Variants in RUFY1 observed in about 807,000 individuals in gnomAD.
RUFY1 encodes RUN and FYVE domain-containing protein 1.
In RUFY1, 54 loss-of-function variants were observed where a neutral mutation model predicts 94.6. The ratio of observed to expected loss-of-function variants is 0.57; its 90% confidence interval spans 0.46 to 0.72. RUFY1 has a LOEUF of 0.72. Ranked by LOEUF, RUFY1 falls within the 30% of genes least tolerant of loss-of-function variation. The pLI, the probability that RUFY1 is intolerant of heterozygous loss-of-function variation, is 0.00. For synonymous variants in RUFY1, 396 were observed against 347.3 expected, an observed-to-expected ratio of 1.14 and a Z score of -1.56; for missense variants, 883 against 883.9, an observed-to-expected ratio of 1.00 and a Z score of 0.01.
chr5:179,604,589 CCCTTCGAAGTCTAG>C (rs1766844586), intron 15 of RUFY1, among the ~76,000 whole-genome samples: 1 of 152,196 alleles, frequency 6.6e-6, no homozygotes, highest in South Asian at 2.1e-4. Flanking sequence ...TCTAATCCCT[CCCTTCGAAGTCTAG>C]CCTGTGTTTC....
At chr5:179,575,060 C>T (rs1273047472) in intron 5 of RUFY1, among the ~76,000 whole-genome samples, 3 of 134,646 alleles carry the variant, frequency 2.2e-5, no homozygotes, top group Non-Finnish European at 4.7e-5. Context: ...CAGTCCTCCT[C>T]CCTTTCCCAC....
At chr5:179,560,674 T>C (rs529912762) in intron 2 of RUFY1, among the ~76,000 whole-genome samples, 116 of 134,912 alleles carry the variant, frequency 8.6e-4, no homozygotes, top group African/African-American at 2.4e-3. Context: ...TGCAGTGAGC[T>C]GAGATCGCGC....
At chr5:179,606,245 G>C (rs951372541) in intron 16 of RUFY1, 10 of 382,358 alleles carry the variant, frequency 2.6e-5, no homozygotes, top group African/African-American at 2.1e-4. Flanking sequence ...TTTAAACAGT[G>C]GAAAACAGGC....
At chr5:179,601,429 A>G (rs959188341) in intron 14 of RUFY1, among the ~76,000 whole-genome samples, 2 of 151,516 alleles carry the variant, frequency 1.3e-5, no homozygotes, top group Admixed American at 6.6e-5. Flanking sequence ...TTGGCCTCCC[A>G]AAGTGCTGGA....
At chr5:179,566,625 G>GAA (rs59142888) in intron 3 of RUFY1, among the ~76,000 whole-genome samples, 9 of 115,464 alleles carry the variant, frequency 7.8e-5, no homozygotes, top group African/African-American at 9.7e-5. Flanking sequence ...GCTCCATCTC[G>GAA]AAAAAAAAAA....
At chr5:179,606,421 C>A in intron 16 of RUFY1, 1 of 163,112 alleles carries the variant, frequency 6.1e-6, no homozygotes, top group Non-Finnish European at 1.3e-5. Flanking sequence ...TGCAGGTGGC[C>A]CGGTGTGGGT....
In RUFY1 at chr5:179,598,747, C is replaced by T. The variant is rs201227020; in HGVS notation, c.1687C>T (p.Arg563Cys). ...SEKEQRQALQ[R>C]ELQHEKDTSS... ...AAAAGAGCAAAGACAGGCTCTTCAG[C>T]GCGAATTACAGCACGAGAAAGACAC... is the stretch of plus-strand genomic sequence containing the variant. The change falls in exon 14 of 18, where the codon CGC becomes TGC. Residue 563 changes from arginine (R) to cysteine (C), a missense_variant. Coordinates refer to ENST00000319449, the MANE Select transcript of RUFY1 (RefSeq NM_025158.5). 11 of 1,614,090 alleles carry T rather than the reference C, an allele frequency of 6.8e-6. No homozygotes were observed. In the African/African-American group the frequency reaches 8.0e-5, roughly 12 times the overall value.
At chr5:179,607,368 G>A (rs962565893) in intron 16 of RUFY1, 1 of 575,986 alleles carries the variant, frequency 1.7e-6, no homozygotes, top group African/African-American at 1.9e-5. Flanking sequence ...AGGCCAAGAG[G>A]TGGAGCACGG....
chr5:179,596,702 C>G (rs781077074), intron 13 of RUFY1, 21 bp downstream of exon 13: 2 of 1,370,608 alleles, frequency 1.5e-6, no homozygotes, highest in African/African-American at 3.1e-5. Flanking sequence ...TGCAGGGAGC[C>G]TGGGCTGGGG....
chr5:179,577,617 G>A (rs1249785518), intron 6 of RUFY1, among the ~76,000 whole-genome samples: 2 of 116,476 alleles, frequency 1.7e-5, no homozygotes, highest in Non-Finnish European at 3.4e-5. Context: ...AGTTTCGGCC[G>A]AAAGAGCAAA....
In RUFY1 at chr5:179,589,622, G is replaced by C; in HGVS notation, c.1103G>C (p.Arg368Pro). 6.2e-7 allele frequency: 1 copy of C among 1,613,698 alleles called. No homozygotes were observed. Among genetic ancestry groups the C allele is most frequent in the Non-Finnish European group, 8.5e-7 (1 of 1,179,654 alleles). The change falls in exon 9 of 18, where the codon CGA (arginine) becomes CCA (proline). Residue 368 changes from arginine (R) to proline (P), a missense_variant. Transcript: ENST00000319449. Reference protein sequence around the residue: ...QQLREQNELIRERSEKSVEIT... With the variant: ...QQLREQNELIPERSEKSVEIT... ...TTAAGAGAACAAAATGAATTAATTC[G>C]AGAAAGAAGTGAAAAGAGTGTAGAG...
intron 6 of RUFY1, among the ~76,000 whole-genome samples, chr5:179,577,578 T>C (rs1421071277): frequency 1.3e-5 from 1 of 76,892 alleles, no homozygotes; most frequent in Non-Finnish European, 2.6e-5. Flanking sequence ...CCGGGCGTGG[T>C]GGGGCTGGAG....
At chr5:179,604,434 G>T (rs1766818573) in intron 15 of RUFY1, among the ~76,000 whole-genome samples, 1 of 152,148 alleles carries the variant, frequency 6.6e-6, no homozygotes, top group Non-Finnish European at 1.5e-5. Context: ...GCTTCCCAAG[G>T]TCTGTCCATC....
chr5:179,569,710 TA>T (rs1763079317), intron 5 of RUFY1, among the ~76,000 whole-genome samples: 2 of 152,028 alleles, frequency 1.3e-5, no homozygotes, highest in African/African-American at 4.8e-5. Flanking sequence ...GCCTGATAGT[TA>T]GGCCATTGGT....
At chr5:179,575,424 A>G (rs1763543914) in intron 5 of RUFY1, among the ~76,000 whole-genome samples, 1 of 152,214 alleles carries the variant, frequency 6.6e-6, no homozygotes, top group Non-Finnish European at 1.5e-5. Flanking sequence ...CCATGTTTAC[A>G]TGGTCTCCAG....
chr5:179,593,777 A>C, intron 11 of RUFY1, 132 bp downstream of exon 11: 1 of 1,381,200 alleles, frequency 7.2e-7, no homozygotes, highest in Non-Finnish European at 9.6e-7. Context: ...CCTAGGACCT[A>C]TTATGATTTT....
chr5:179,609,686 T>C lies in RUFY1; in HGVS notation c.*167T>C, dbSNP rs1581590086. 1 of 599,992 alleles carries C rather than the reference T, an allele frequency of 1.7e-6. No homozygotes were observed. The highest frequency in any genetic ancestry group is 2.8e-6 in the Non-Finnish European group (1 of 361,582). The allele number at this position is 599,992 out of a possible 1,614,324, so 37.2% of individuals were successfully genotyped here. The stretch of plus-strand genomic sequence containing the variant: ...CGTGCCGGAACCGGCAGCTCTCACC[T>C]TTCTGTGACTTGTTCGGAATTAACT... On this transcript the variant is annotated 3_prime_UTR_variant, in exon 18 of 18. Coordinates refer to ENST00000319449, the MANE Select transcript of RUFY1 (RefSeq NM_025158.5).
intron 5 of RUFY1, among the ~76,000 whole-genome samples, chr5:179,573,680 G>T (rs1763394097): frequency 6.6e-6 from 1 of 152,042 alleles, no homozygotes; most frequent in Non-Finnish European, 1.5e-5. Flanking sequence ...CTGCCACCAT[G>T]CCCGGCTAAT....
At position 179,596,683 on chromosome 5, in the gene RUFY1, TAGGGGCCCTGC is replaced by T. The variant is rs571418901; in HGVS notation, c.1631+7_1631+17del. On this transcript the variant is annotated splice_donor_5th_base_variant and intron_variant, in intron 13 of 17. Coordinates refer to ENST00000319449, the MANE Select transcript of RUFY1 (RefSeq NM_025158.5). The stretch of plus-strand genomic sequence containing the variant: ...GCTCTCCCAGCTGCACGAGCAATGG[TAGGGGCCCTGC>T]AGGGAGCCTGGGCTGGGGTGTGGCT... 259 of 1,573,012 alleles carry T rather than the reference TAGGGGCCCTGC, an allele frequency of 1.6e-4. 1 individual carries two copies. In the East Asian group the frequency reaches 5.9e-3, roughly 36 times the overall value.
Sources: allele counts gnomAD v4.1 joint callset (sites outside exome capture counted in the v4.1 genomes callset), GRCh38; gene constraint gnomAD v4.1.1; transcripts MANE v1.5; gene names NCBI Gene and HGNC (gene_info 2026-07-23, HGNC 2026-07-21).